ITPK1: variants seen among roughly 807,000 people sequenced by gnomAD.
ITPK1 encodes the protein inositol-tetrakisphosphate 1-kinase.
In ITPK1, 21 loss-of-function variants were observed where a neutral mutation model predicts 45.3. The ratio of observed to expected loss-of-function variants is 0.46; its 90% CI spans 0.33 to 0.67. ITPK1 has a LOEUF of 0.67. Ranked by LOEUF, ITPK1 falls within the 30% of genes least tolerant of loss-of-function variation. The probability of loss-of-function intolerance (pLI) is 0.02; values close to 1 mark genes in which losing one functional copy is unlikely to be tolerated. For synonymous variants in ITPK1, 258 were observed against 253.6 expected (o/e 1.02, Z -0.16); for missense variants, 474 against 573.5 (o/e 0.83, Z 1.77).
intron 2 of ITPK1, among the ~76,000 whole-genome samples, chr14:93,085,261 C>A (rs951074188): frequency 6.6e-6 from 1 of 152,262 alleles, no homozygotes; most frequent in East Asian, 1.9e-4. Context: ...TAGGGAAGAA[C>A]CAGATAAACT....
intron 2 of ITPK1, among the ~76,000 whole-genome samples, chr14:93,083,172 GC>G (rs1891509540): frequency 6.6e-6 from 1 of 152,152 alleles, no homozygotes; most frequent in Non-Finnish European, 1.5e-5. Flanking sequence ...CCACCACCAA[GC>G]CACTGCAGCA....
In ITPK1 at chr14:92,958,054, C is replaced by A; in HGVS notation, c.670+147G>T. 1.3e-6 allele frequency: 1 copy of A among 760,558 alleles called. No individual in the cohort carries two copies. Among genetic ancestry groups the A allele is most frequent in the Non-Finnish European group, 2.2e-6 (1 of 456,228 alleles). 47.1% of individuals were successfully genotyped at this position (760,558 alleles called of 1,614,324 possible). On this transcript the variant is annotated intron_variant, in intron 8 of 10. Transcript: ENST00000267615. The surrounding 1 kb of genome is among the most constrained non-coding windows in gnomAD (Gnocchi z 4.4). The stretch of plus-strand genomic sequence containing the variant: ...CCCCAAGACCTCTTTATCCACCGTA[C>A]ACAACTGTTTCCACCTTTAGAGCAC...
chr14:93,028,667 C>T (rs1888871273), intron 3 of ITPK1, among the ~76,000 whole-genome samples: 1 of 152,242 alleles, frequency 6.6e-6, no homozygotes, highest in African/African-American at 2.4e-5. Context: ...AGCAGGCCCC[C>T]TGCAGGCACC....
chr14:93,048,501 A>AGAAAC, intron 3 of ITPK1, among the ~76,000 whole-genome samples: 1 of 152,284 alleles, frequency 6.6e-6, no homozygotes, highest in African/African-American at 2.4e-5. Flanking sequence ...TCAAGTTTCT[A>AGAAAC]TTCTGCCATG....
intron 9 of ITPK1, among the ~76,000 whole-genome samples, chr14:92,950,117 C>T (rs1887889510): frequency 1.3e-5 from 2 of 152,254 alleles, no homozygotes; most frequent in South Asian, 4.1e-4. Context: ...AGAGTCTGTG[C>T]TCTTAACTAA....
intron 2 of ITPK1, 35 bp downstream of exon 2, chr14:93,115,034 G>T: frequency 2.8e-6 from 4 of 1,436,774 alleles, no homozygotes; most frequent in Non-Finnish European, 3.8e-6. Context: ...CTCGGGCCGG[G>T]GGTCCCCGGG....
At chr14:93,035,985 C>T (rs538789610) in intron 3 of ITPK1, among the ~76,000 whole-genome samples, 4 of 152,312 alleles carry the variant, frequency 2.6e-5, no homozygotes, top group East Asian at 3.9e-4. Flanking sequence ...GACTCCGGCA[C>T]GTGATGACTA....
At chr14:93,082,686 G>A (rs1225487097) in intron 2 of ITPK1, among the ~76,000 whole-genome samples, 1 of 152,234 alleles carries the variant, frequency 6.6e-6, no homozygotes, top group Non-Finnish European at 1.5e-5. Context: ...CACATGACCT[G>A]TCACCTCACT....
chr14:93,102,820 T>C (rs1892371476), intron 2 of ITPK1, among the ~76,000 whole-genome samples: 1 of 151,010 alleles, frequency 6.6e-6, no homozygotes, highest in South Asian at 2.1e-4. Context: ...CAGAAACAAG[T>C]CTGGGAGTGG....
At chr14:93,094,489 G>A (rs372991136) in intron 2 of ITPK1, among the ~76,000 whole-genome samples, 11 of 152,134 alleles carry the variant, frequency 7.2e-5, no homozygotes, top group Non-Finnish European at 2.9e-5. Context: ...CCTGGGAGCC[G>A]GGTGAAGCCA....
Position 93,102,434 on chromosome 14 carries a change from T to C in ITPK1, c.95+12635A>G, listed in dbSNP as rs1007607495. On this transcript the variant is annotated intron_variant, in intron 2 of 10. Transcript: ENST00000267615. ...AGTGGCAAGGCCATAATTCCTTTTC[T>C]TTTCAAGGATCCCATGACGAATGTT... is the stretch of plus-strand genomic sequence containing the variant. Among the ~76,000 whole-genome samples the C allele has an allele frequency of 3.9e-5, 6 of 152,274 alleles. No individual in the cohort carries two copies. The East Asian group carries it at 7.7e-4, about 20-fold the overall frequency.
rs1884848076 is a variant in ITPK1, at chr14:92,958,236, C to T, written c.635G>A (p.Arg212Lys). The change falls in exon 8 of 11, where the codon AGG (arginine) becomes AAG (lysine). Residue 212 changes from arginine (R) to lysine (K), a missense_variant. Arg to Lys is a conservative substitution (Grantham distance 26). Around this residue, in one of 2 missense-constraint regions of ITPK1, gnomAD observed 367 missense variants for 480.6 expected, o/e 0.76. Coordinates refer to ENST00000267615, the MANE Select transcript of ITPK1 (RefSeq NM_014216.6). This position sits in a 1 kb window ranked among gnomAD's most constrained non-coding sequence, Gnocchi z 4.4. ...VVGESYTVVQRPSLKNFSAGT... is the reference protein window; with the variant it reads ...VVGESYTVVQKPSLKNFSAGT... ...TGCGGAGAAGTTCTTGAGTGAGGGC[C>T]TCTGGACCACGGTGTAGGACTCGCC... The T allele has an allele frequency of 6.2e-7, 1 of 1,614,208 alleles. No homozygotes were observed. The highest frequency in any genetic ancestry group is 8.5e-7 in the Non-Finnish European group (1 of 1,180,040).
intron 5 of ITPK1, among the ~76,000 whole-genome samples, chr14:92,970,116 T>TA (rs1375766381): frequency 6.6e-6 from 1 of 152,040 alleles, no homozygotes; most frequent in African/African-American, 2.4e-5. Context: ...CTACAGAACT[T>TA]ACAAGAAAAC....
At chr14:92,950,386 C>T (rs951939768) in intron 9 of ITPK1, among the ~76,000 whole-genome samples, 2 of 152,246 alleles carry the variant, frequency 1.3e-5, no homozygotes, top group Non-Finnish European at 2.9e-5. Flanking sequence ...CTGCGGGCGT[C>T]CAGGAGGGGC....
intron 3 of ITPK1, among the ~76,000 whole-genome samples, chr14:93,017,044 C>T (rs1288526316): frequency 6.6e-6 from 1 of 152,204 alleles, no homozygotes; most frequent in Non-Finnish European, 1.5e-5. Context: ...ACGTTTGTAA[C>T]TTCTGTTCCC....
chr14:92,941,759 C>G lies in ITPK1; in HGVS notation c.1047G>C (p.Leu349=), dbSNP rs527839338. ...TGGCGCTGCATGTCCGCTCGCCCAC[C>G]AGGCCGCCCGCCGGCTCGGCCAGAA... The part of the protein sequence containing the change: ...SKLLAEPAGG[L]VGERTCSASP... Residue 349 remains leucine, a synonymous_variant, in exon 11 of 11, where the codon CTG becomes CTC. Coordinates refer to ENST00000267615, the MANE Select transcript of ITPK1 (RefSeq NM_014216.6). 6.2e-7 allele frequency: 1 copy of G among 1,604,386 alleles called. No homozygotes were observed. The highest frequency in any genetic ancestry group is 8.5e-7 in the Non-Finnish European group (1 of 1,176,898).
At chr14:93,023,646 G>A (rs116952916) in intron 3 of ITPK1, among the ~76,000 whole-genome samples, 3,063 of 152,318 alleles carry the variant, frequency 0.02, 75 homozygotes, top group Admixed American at 0.082. Context: ...AACAGGCCCC[G>A]ACAGGTAACT....
At chr14:92,981,416 G>A (rs780069666) in intron 5 of ITPK1, among the ~76,000 whole-genome samples, 11 of 152,040 alleles carry the variant, frequency 7.2e-5, no homozygotes, top group Non-Finnish European at 1.6e-4. Flanking sequence ...CCCTGGAATG[G>A]CTCCCACCTT....
chr14:93,054,447 A>G (rs763403509), intron 3 of ITPK1, among the ~76,000 whole-genome samples: 2 of 152,242 alleles, frequency 1.3e-5, no homozygotes, highest in Non-Finnish European at 2.9e-5. Context: ...CTCCATGCCC[A>G]GAAACAGACC....
Sources: gnomAD v4.1 joint callset for allele counts (sites outside exome capture counted in the v4.1 genomes callset) on GRCh38, gnomAD v4.1.1 for gene constraint, gnomAD v4.1.1 regional missense constraint, Gnocchi (gnomAD v3.1) non-coding constraint, MANE v1.5 for transcripts, NCBI Gene and HGNC (gene_info 2026-07-23, HGNC 2026-07-21) for gene names.